Variants in COL12A1 observed in about 807,000 individuals in gnomAD.
COL12A1 encodes the protein collagen alpha-1(XII) chain.
A neutral mutation model predicts 349.7 loss-of-function variants in COL12A1; 114 were observed. That is an observed-to-expected ratio of 0.33 (90% confidence interval 0.28 to 0.38). The LOEUF is 0.38. Ranked by LOEUF, COL12A1 falls within the 10% of genes least tolerant of loss-of-function variation. The pLI, the probability that COL12A1 is intolerant of heterozygous loss-of-function variation, is 1.00. For synonymous variants in COL12A1, 1,369 were observed against 1,329.0 expected, an observed-to-expected ratio of 1.03 and a Z score of -0.66; for missense variants, 3,284 against 3,756.9, an observed-to-expected ratio of 0.87 and a Z score of 3.29.
chr6:75,094,842 C>T (rs1582037445), intron 60 of COL12A1, among the ~76,000 whole-genome samples: 2 of 152,230 alleles, frequency 1.3e-5, no homozygotes, highest in Middle Eastern at 3.4e-3. Context: ...GTTTATACAG[C>T]GCAGAAATAT....
intron 45 of COL12A1, 58 bp downstream of exon 45, chr6:75,119,292 T>C: frequency 6.2e-7 from 1 of 1,606,014 alleles, no homozygotes; most frequent in Non-Finnish European, 8.5e-7. Context: ...CATGAGATAA[T>C]ACACTCAGTT....
At chr6:75,123,216 G>T in intron 43 of COL12A1, 114 bp downstream of exon 43, 1 of 958,182 alleles carries the variant, frequency 1.0e-6, no homozygotes, top group Non-Finnish European at 1.6e-6. Context: ...CTCTTCAGCA[G>T]CAATAATAGA....
intron 13 of COL12A1, among the ~76,000 whole-genome samples, chr6:75,171,839 T>C (rs2149447037): frequency 6.6e-6 from 1 of 152,246 alleles, no homozygotes; most frequent in East Asian, 1.9e-4. Flanking sequence ...GTCACAACTA[T>C]GCTTTCACAT....
In COL12A1 at chr6:75,102,665, C is replaced by A; in HGVS notation, c.8347G>T (p.Gly2783Cys). ...GGAGGACCCTGGGGGCCTGGAGGAC[C>A]TATGTCTCCACGAGGACCAGGGGGC... Reference protein sequence around the residue: ...IGPPGPRGDIGPPGPQGPPGP... With the variant: ...IGPPGPRGDICPPGPQGPPGP... Residue 2783 changes from glycine to cysteine, a missense_variant, in exon 56 of 66, where the codon GGT (glycine) becomes TGT (cysteine). Transcript: ENST00000322507. The A allele has an allele frequency of 1.3e-6, 2 of 1,568,348 alleles. No individual in the cohort carries two copies. Among genetic ancestry groups the A allele is most frequent in the South Asian group, 1.2e-5 (1 of 84,080 alleles).
intron 56 of COL12A1, 117 bp from the exon 57 acceptor site, chr6:75,102,169 G>T: frequency 3.2e-6 from 3 of 941,572 alleles, no homozygotes; most frequent in Non-Finnish European, 1.7e-6. Flanking sequence ...TAAGCGTTCA[G>T]AATGAGCACA....
Position 75,097,900 on chromosome 6 carries a change from A to C in COL12A1, c.8524-594T>G, listed in dbSNP as rs574258321. ...CATCATATCAGCACCCTTTAGCCCC[A>C]AAAAAACAATAAGAATTTCTCCCTA... On this transcript the variant is annotated intron_variant, in intron 58 of 65. Coordinates refer to ENST00000322507, the MANE Select transcript of COL12A1 (RefSeq NM_004370.6). Among the ~76,000 whole-genome samples the C allele has an allele frequency of 1.5e-4, 23 of 152,252 alleles. No homozygotes were observed. The South Asian group carries it at 1.7e-3, about 11-fold the overall frequency.
intron 2 of COL12A1, among the ~76,000 whole-genome samples, chr6:75,200,336 G>T (rs1185586116): frequency 2.0e-5 from 3 of 152,218 alleles, no homozygotes; most frequent in Non-Finnish European, 2.9e-5. Context: ...ACTTTGGGAG[G>T]CCGAGGCAGG....
At chr6:75,181,715 T>C (rs1044897785) in intron 10 of COL12A1, among the ~76,000 whole-genome samples, 1 of 151,952 alleles carries the variant, frequency 6.6e-6, no homozygotes, top group Non-Finnish European at 1.5e-5. Flanking sequence ...AAAGAGACAA[T>C]GTTTAACACA....
At position 75,140,655 on chromosome 6, in the gene COL12A1, C is replaced by CAAAA. The variant is rs1236499281; in HGVS notation, c.4957+1373_4957+1376dup. Among the ~76,000 whole-genome samples, 204 of 46,068 alleles carry CAAAA rather than the reference C, an allele frequency of 4.4e-3. 13 individuals are homozygous for CAAAA. Among genetic ancestry groups the CAAAA allele is most frequent in the African/African-American group, 0.016 (176 of 11,136 alleles). 30.2% of individuals were successfully genotyped at this position (46,068 alleles called of 152,430 possible). On this transcript the variant is annotated intron_variant, in intron 27 of 65. Transcript: ENST00000322507. ...TGGGTGACAGAGCGAGACTCTGTCT[C>CAAAA]AAAAAAAAAAAAAAAAAAAAAAAGC...
At position 75,113,193 on chromosome 6, in the gene COL12A1, TA is replaced by T. The variant is rs1251504441; in HGVS notation, c.7950+10del. Reference sequence around the variant, plus strand: ...TCTAGAAATAAGACTCAAATAATCTTATGTTTTTACCTTGTGAAAACTTCCA... The same window carrying T: ...TCTAGAAATAAGACTCAAATAATCTTTGTTTTTACCTTGTGAAAACTTCCA... On this transcript the variant is annotated intron_variant, in intron 51 of 65. Coordinates refer to ENST00000322507, the MANE Select transcript of COL12A1 (RefSeq NM_004370.6). 7.1e-7 allele frequency: 1 copy of T among 1,406,222 alleles called. No individual in the cohort carries two copies. The highest frequency in any genetic ancestry group is 9.6e-7 in the Non-Finnish European group (1 of 1,036,426). The allele number at this position is 1,406,222 out of a possible 1,614,324, so 87.1% of individuals were successfully genotyped here.
At chr6:75,106,374 G>C (rs761042528) in intron 53 of COL12A1, 45 bp downstream of exon 53, 14 of 1,500,460 alleles carry the variant, frequency 9.3e-6, no homozygotes, top group Non-Finnish European at 1.3e-5. Flanking sequence ...TTTATTACTG[G>C]GGGACTGTTA....
chr6:75,162,722 G>C (rs1013886400), intron 14 of COL12A1, among the ~76,000 whole-genome samples: 2 of 152,110 alleles, frequency 1.3e-5, no homozygotes, highest in African/African-American at 4.8e-5. Context: ...GAGTGAACAG[G>C]CAACCTACAG....
intron 65 of COL12A1, 112 bp from the exon 66 acceptor site, chr6:75,086,669 TATATCC>T: frequency 2.6e-6 from 1 of 384,204 alleles, no homozygotes; most frequent in Non-Finnish European, 4.1e-6. Flanking sequence ...TATATATATA[TATATCC>T]ATATATTTTT....
intron 56 of COL12A1, 36 bp downstream of exon 56, chr6:75,102,561 C>A: frequency 7.2e-7 from 1 of 1,382,552 alleles, no homozygotes; most frequent in South Asian, 1.6e-5. Flanking sequence ...TGTTTATCCA[C>A]CACTCTCATT....
In COL12A1 at chr6:75,085,211, C is replaced by T. The variant is rs1219613598; in HGVS notation, c.*1336G>A. 2 of 468,266 alleles carry T rather than the reference C, an allele frequency of 4.3e-6. No individual in the cohort carries two copies. The highest frequency in any genetic ancestry group is 1.6e-5 in the South Asian group (1 of 64,464). The allele number at this position is 468,266 out of a possible 1,614,324, so 29.0% of individuals were successfully genotyped here. A position where few individuals can be genotyped will look rare whatever the true frequency, so the allele number is the denominator to read the frequency against. The stretch of plus-strand genomic sequence containing the variant: ...TGGTTCACTGCCCGGGTCCGTGGGG[C>T]AGGGCGCGCCGCCAGCGCCGGTGGG... On this transcript the variant is annotated 3_prime_UTR_variant, in exon 66 of 66. Transcript: ENST00000322507.
At chr6:75,098,123 T>G (rs1259114296) in intron 58 of COL12A1, among the ~76,000 whole-genome samples, 1 of 152,212 alleles carries the variant, frequency 6.6e-6, no homozygotes, top group African/African-American at 2.4e-5. Flanking sequence ...TTACTACACA[T>G]TTAAATTCGC....
chr6:75,182,321 A>G (rs957952104), intron 10 of COL12A1, among the ~76,000 whole-genome samples: 4 of 151,854 alleles, frequency 2.6e-5, no homozygotes, highest in African/African-American at 9.7e-5. Context: ...TCAACTCGTC[A>G]TCTACATTAG....
chr6:75,197,628 T>C (rs1770302492), intron 2 of COL12A1, among the ~76,000 whole-genome samples: 2 of 152,304 alleles, frequency 1.3e-5, no homozygotes, highest in Non-Finnish European at 1.5e-5. Flanking sequence ...TTTTCAATTA[T>C]GCACTAGCTG....
chr6:75,200,244 C>G (rs1465344452), intron 2 of COL12A1, among the ~76,000 whole-genome samples: 1 of 152,168 alleles, frequency 6.6e-6, no homozygotes, highest in African/African-American at 2.4e-5. Flanking sequence ...CTGTCCGACA[C>G]GGAAGCAACC....
Sources: allele counts gnomAD v4.1 joint callset (sites outside exome capture counted in the v4.1 genomes callset), GRCh38; gene constraint gnomAD v4.1.1; transcripts MANE v1.5; gene names NCBI Gene and HGNC (gene_info 2026-07-23, HGNC 2026-07-21).